TPD52L1: variants seen among roughly 807,000 people sequenced by gnomAD.
TPD52L1 encodes the protein tumor protein D53.
A neutral mutation model predicts 28.7 loss-of-function variants in TPD52L1; 18 were observed. The observed-to-expected ratio is 0.63, with a 90% CI of 0.43 to 0.93. The LOEUF is 0.93. Ranked by LOEUF, TPD52L1 falls within the 40% of genes least tolerant of loss-of-function variation. The pLI is 0.00. For missense variants in TPD52L1, 203 were observed against 254.8 expected, an observed-to-expected ratio of 0.80 and a Z score of 1.39; for synonymous variants, 75 against 88.8, an observed-to-expected ratio of 0.84 and a Z score of 0.88.
intron 2 of TPD52L1, among the ~76,000 whole-genome samples, chr6:125,224,632 G>A (rs1000536619): frequency 6.6e-6 from 1 of 152,160 alleles, no homozygotes; most frequent in Non-Finnish European, 1.5e-5. Flanking sequence ...TTAGCCAAAG[G>A]CAAGAGTAGC....
intron 1 of TPD52L1, among the ~76,000 whole-genome samples, chr6:125,187,064 C>A (rs1401150409): frequency 1.3e-5 from 2 of 151,712 alleles, no homozygotes; most frequent in African/African-American, 2.4e-5. Flanking sequence ...TTGCATATAC[C>A]AGTTAATAGA....
At chr6:125,223,948 T>A (rs1183055122) in intron 2 of TPD52L1, among the ~76,000 whole-genome samples, 14 of 152,144 alleles carry the variant, frequency 9.2e-5, no homozygotes, top group Admixed American at 9.2e-4. Flanking sequence ...TAGAATATGC[T>A]CTTTTTTTTA....
At chr6:125,199,540 C>T (rs1793666686) in intron 1 of TPD52L1, among the ~76,000 whole-genome samples, 1 of 152,142 alleles carries the variant, frequency 6.6e-6, no homozygotes, top group South Asian at 2.1e-4. Context: ...ACAAAATTAG[C>T]CAGGCGTGGT....
At chr6:125,154,373 G>T in intron 1 of TPD52L1, 1 of 1,003,982 alleles carries the variant, frequency 1.0e-6, no homozygotes, top group Non-Finnish European at 1.2e-6. Context: ...GCCCAGCGCC[G>T]TGGACTCGCG....
intron 3 of TPD52L1, among the ~76,000 whole-genome samples, chr6:125,238,274 G>A (rs529052974): frequency 6.6e-6 from 1 of 152,204 alleles, no homozygotes; most frequent in African/African-American, 2.4e-5. Flanking sequence ...GATGATTGGT[G>A]TTTTTATTTC....
chr6:125,245,440 C>T (rs1365648324), intron 3 of TPD52L1, among the ~76,000 whole-genome samples: 1 of 152,140 alleles, frequency 6.6e-6, no homozygotes, highest in Non-Finnish European at 1.5e-5. Flanking sequence ...ATTCTGGTTT[C>T]TCAGGCAATA....
At position 125,180,578 on chromosome 6, in the gene TPD52L1, ACACACACACACACACACT is replaced by A. The variant is rs903831675; in HGVS notation, c.19+26621_19+26638del. 2.3e-4 allele frequency among the ~76,000 whole-genome samples: 35 copies of A among 151,900 alleles called. No homozygotes were observed. The Middle Eastern group carries it at 0.014, about 59-fold the overall frequency. On this transcript the variant is annotated intron_variant, in intron 1 of 6. Transcript: ENST00000534000. ...ACACATATATTATATATACACACAC[ACACACACACACACACACT>A]CACACACACACAGAGAGGGAGAGCT...
At chr6:125,217,335 A>T (rs1302810270) in intron 1 of TPD52L1, among the ~76,000 whole-genome samples, 1 of 152,140 alleles carries the variant, frequency 6.6e-6, no homozygotes, top group Non-Finnish European at 1.5e-5. Context: ...ACAACTCACC[A>T]TAATGTAAAA....
chr6:125,164,357 AT>A (rs1790741831), intron 1 of TPD52L1, among the ~76,000 whole-genome samples: 1 of 152,090 alleles, frequency 6.6e-6, no homozygotes, highest in South Asian at 2.1e-4. Flanking sequence ...ACAGCTTGCT[AT>A]TTTTGTTCTG....
At chr6:125,225,378 C>T (rs1007759152) in intron 2 of TPD52L1, among the ~76,000 whole-genome samples, 1 of 152,108 alleles carries the variant, frequency 6.6e-6, no homozygotes, top group Non-Finnish European at 1.5e-5. Flanking sequence ...AGTGGAATTG[C>T]TGAGTCCTGG....
At position 125,243,236 on chromosome 6, in the gene TPD52L1, A is replaced by C. The variant is rs183232115; in HGVS notation, c.285-5046A>C. The stretch of plus-strand genomic sequence containing the variant: ...ATGCTTTTTCCTCATTGCTCTTAAG[A>C]TTCTTTTCTTTGTCTTGATTTTAGA... On this transcript the variant is annotated intron_variant, in intron 3 of 6. Coordinates refer to ENST00000534000, the MANE Select transcript of TPD52L1 (RefSeq NM_003287.4). Among the ~76,000 whole-genome samples the C allele has an allele frequency of 1.2e-3, 179 of 152,136 alleles. 1 individual carries two copies. The highest frequency in any genetic ancestry group is 3.3e-3 in the African/African-American group (136 of 41,512).
chr6:125,172,568 G>T (rs1791553817), intron 1 of TPD52L1, among the ~76,000 whole-genome samples: 4 of 65,462 alleles, frequency 6.1e-5, no homozygotes, highest in African/African-American at 2.0e-4. Context: ...TATACTATAT[G>T]GCATGAAATT....
At position 125,198,734 on chromosome 6, in the gene TPD52L1, A is replaced by G. The variant is rs561291315; in HGVS notation, c.20-21344A>G. On this transcript the variant is annotated intron_variant, in intron 1 of 6. Coordinates refer to ENST00000534000, the MANE Select transcript of TPD52L1 (RefSeq NM_003287.4). ...GCAGCTGTCTCTGTGTCTGTTGAGC[A>G]GAGCTTCCTCAATGTGTTGTCAATG... Among the ~76,000 whole-genome samples the G allele has an allele frequency of 2.6e-5, 4 of 152,362 alleles. No homozygotes were observed. In the South Asian group the frequency reaches 8.3e-4, roughly 32 times the overall value.
chr6:125,224,099 A>G (rs1795440892), intron 2 of TPD52L1, among the ~76,000 whole-genome samples: 1 of 151,652 alleles, frequency 6.6e-6, no homozygotes, highest in Admixed American at 6.6e-5. Flanking sequence ...CACTTGCCCA[A>G]TAATTCTGTG....
intron 6 of TPD52L1, among the ~76,000 whole-genome samples, chr6:125,258,863 C>T (rs1797753210): frequency 6.6e-6 from 1 of 152,156 alleles, no homozygotes; most frequent in Admixed American, 6.6e-5. Flanking sequence ...ACAAGACTCA[C>T]ATGCCACATA....
At chr6:125,180,940 C>G (rs1331094990) in intron 1 of TPD52L1, among the ~76,000 whole-genome samples, 1 of 151,998 alleles carries the variant, frequency 6.6e-6, no homozygotes, top group Non-Finnish European at 1.5e-5. Context: ...TATTCACAGC[C>G]CTTTCTGGTG....
chr6:125,162,768 C>G (rs1297826637), intron 1 of TPD52L1, among the ~76,000 whole-genome samples: 2 of 152,196 alleles, frequency 1.3e-5, no homozygotes, highest in African/African-American at 4.8e-5. Context: ...CATGTTAATA[C>G]AAGCAAAGTG....
chr6:125,248,976 C>A (rs572871415), intron 4 of TPD52L1, among the ~76,000 whole-genome samples: 2 of 151,854 alleles, frequency 1.3e-5, no homozygotes, highest in African/African-American at 2.4e-5. Flanking sequence ...AGATAAGTAA[C>A]CTTGCACATT....
intron 1 of TPD52L1, among the ~76,000 whole-genome samples, chr6:125,178,794 C>T (rs140446527): frequency 6.6e-6 from 1 of 152,066 alleles, no homozygotes; most frequent in Non-Finnish European, 1.5e-5. Context: ...GCACAAAGAC[C>T]TTATTAATTA....
Sources: allele counts gnomAD v4.1 joint callset (sites outside exome capture counted in the v4.1 genomes callset), GRCh38; gene constraint gnomAD v4.1.1; transcripts MANE v1.5; gene names NCBI Gene and HGNC (gene_info 2026-07-23, HGNC 2026-07-21).